Variants in RSPH6A observed in about 807,000 individuals in gnomAD.
The protein encoded by RSPH6A is radial spoke head 6 homolog A, also known as radial spoke head protein 6 homolog A.
A neutral mutation model predicts 66.1 loss-of-function variants in RSPH6A; 49 were observed. The observed-to-expected ratio is 0.74, with a 90% CI of 0.59 to 0.94. The LOEUF is 0.94. Ranked by LOEUF, RSPH6A falls within the 40% of genes least tolerant of loss-of-function variation. The probability of loss-of-function intolerance (pLI) is 0.00; values close to 1 mark genes in which losing one functional copy is unlikely to be tolerated. For synonymous variants in RSPH6A, 419 were observed against 402.4 expected, an observed-to-expected ratio of 1.04 and a Z score of -0.49; for missense variants, 977 against 948.3, an observed-to-expected ratio of 1.03 and a Z score of -0.40.
intron 2 of RSPH6A, among the ~76,000 whole-genome samples, chr19:45,809,237 G>A (rs1397092344): frequency 2.1e-5 from 3 of 144,860 alleles, no homozygotes; most frequent in East Asian, 2.1e-4. Context: ...TCCTGACCTC[G>A]TGATCCACCC....
In RSPH6A at chr19:45,807,471, T is replaced by C. The variant is rs1267435930; in HGVS notation, c.889-2455A>G. On this transcript the variant is annotated intron_variant, in intron 2 of 5. Coordinates refer to ENST00000221538, the MANE Select transcript of RSPH6A (RefSeq NM_030785.4). ...ATCTTGTGATCCACCCACCTTGGCC[T>C]CCCAAAGTGCTGGGATTACAAGCGT... Among the ~76,000 whole-genome samples the C allele has an allele frequency of 2.0e-5, 3 of 151,376 alleles. No homozygotes were observed. In the Admixed American group the frequency reaches 2.0e-4, roughly 10 times the overall value.
chr19:45,796,032 G>C lies in RSPH6A; in HGVS notation c.1991C>G (p.Pro664Arg). ...PESFNPALPA[P>R]IQQEYPSGPE... Reference sequence around the variant, plus strand: ...GCCACTGGGGTACTCTTGTTGAATGGGGGCTGGCAGGGCCGGGTTGAAGCT... The same window carrying C: ...GCCACTGGGGTACTCTTGTTGAATGCGGGCTGGCAGGGCCGGGTTGAAGCT... The change falls in exon 6 of 6, where the codon CCC becomes CGC. Residue 664 changes from proline to arginine, a missense_variant. By Grantham distance (103) the Pro-to-Arg change is moderately radical (BLOSUM62 -2). Transcript: ENST00000221538. The C allele has an allele frequency of 1.9e-6, 3 of 1,613,764 alleles. No homozygotes were observed. Among genetic ancestry groups the C allele is most frequent in the Non-Finnish European group, 2.5e-6 (3 of 1,179,812 alleles).
chr19:45,810,163 TTTATTTTTATTTATTTA>T (rs1316467981), intron 2 of RSPH6A, among the ~76,000 whole-genome samples: 8 of 135,648 alleles, frequency 5.9e-5, no homozygotes, highest in Non-Finnish European at 1.3e-4. Context: ...TATTTATTTA[TTTATTTTTATTTATTTA>T]TTTTTTTGAG....
Position 45,800,500 on chromosome 19 carries a change from A to C in RSPH6A, c.1862T>G (p.Val621Gly). Residue 621 changes from valine to glycine, a missense_variant, in exon 5 of 6, where the codon GTG (valine) becomes GGG (glycine). By Grantham distance (109) the Val-to-Gly change is moderately radical (BLOSUM62 -3). Transcript: ENST00000221538. ...CCAGAGGTTGGAGCGCACAACGGCCACTGAGTACTGCGGGCAGAGGCTGCA... is the reference window on the plus strand; with the variant it reads ...CCAGAGGTTGGAGCGCACAACGGCCCCTGAGTACTGCGGGCAGAGGCTGCA... Reference protein sequence around the residue: ...LSCSLCPQYSVAVVRSNLWPG... With the variant: ...LSCSLCPQYSGAVVRSNLWPG... The C allele has an allele frequency of 1.2e-6, 2 of 1,613,620 alleles. No individual in the cohort carries two copies.
chr19:45,805,017 C>T lies in RSPH6A; in HGVS notation c.889-1G>A, dbSNP rs145586087. The T allele has an allele frequency of 1.4e-4, 230 of 1,606,040 alleles. No individual in the cohort carries two copies. The highest frequency in any genetic ancestry group is 1.9e-4 in the Non-Finnish European group (225 of 1,178,352). ...TGATGTTGGGCACTGGTGTCTCCCC[C>T]TGCGCAGGGTAGGGTGGAGGGCAGA... On this transcript the variant is annotated splice_acceptor_variant, in intron 2 of 5. Coordinates refer to ENST00000221538, the MANE Select transcript of RSPH6A (RefSeq NM_030785.4). LOFTEE classifies it high-confidence loss of function.
rs770757580 is a variant in RSPH6A at position 45,804,708 on chromosome 19, G to A, written c.1197C>T (p.Ala399=). 43 of 1,612,472 alleles carry A rather than the reference G, an allele frequency of 2.7e-5. No homozygotes were observed. The highest frequency in any genetic ancestry group is 5.0e-5 in the Admixed American group (3 of 59,904). Residue 399 remains alanine (A), a synonymous_variant, in exon 3 of 6, where the codon GCC becomes GCT. Coordinates refer to ENST00000221538, the MANE Select transcript of RSPH6A (RefSeq NM_030785.4). This position sits in a 1 kb window ranked among gnomAD's most constrained non-coding sequence, Gnocchi z 5.8. ...EEEGEEDEEK[A]VDIVPKSVWK... ...ATACGGACTTAGGGACGATGTCCACGGCCTTCTCCTCGTCCTCCTCGCCCT... is the reference window on the plus strand; with the variant it reads ...ATACGGACTTAGGGACGATGTCCACAGCCTTCTCCTCGTCCTCCTCGCCCT...
chr19:45,799,767 C>T (rs1970447180), intron 5 of RSPH6A, among the ~76,000 whole-genome samples: 1 of 152,108 alleles, frequency 6.6e-6, no homozygotes, highest in South Asian at 2.1e-4. Flanking sequence ...GAAGAACAGG[C>T]CGGGTGCGGT....
At chr19:45,803,326 G>A (rs1183956190) in intron 3 of RSPH6A, among the ~76,000 whole-genome samples, 2 of 151,914 alleles carry the variant, frequency 1.3e-5, no homozygotes, top group Non-Finnish European at 2.9e-5. Context: ...GTAGCAGTGA[G>A]TTATGATCTC....
chr19:45,804,825 C>G lies in RSPH6A; in HGVS notation c.1080G>C (p.Val360=), dbSNP rs766469916. The G allele has an allele frequency of 6.2e-7, 1 of 1,614,184 alleles. No individual in the cohort carries two copies. The highest frequency in any genetic ancestry group is 1.7e-5 in the Admixed American group (1 of 60,010). Residue 360 remains valine, a synonymous_variant, in exon 3 of 6, where the codon GTG becomes GTC. Transcript: ENST00000221538. The surrounding 1 kb of genome is among the most constrained non-coding windows in gnomAD (Gnocchi z 5.8). ...CCTCCTCCTCGCCCTCCCGGAATTC[C>G]ACCTCGGCCACCAGGTAGCTGCGTT... ...GIKRSYLVAE[V]EFREGEEEAE... is the part of the protein sequence containing the mutation.
At chr19:45,802,306 GA>G (rs1382085568) in intron 3 of RSPH6A, 42 bp from the exon 4 acceptor site, 1 of 1,311,822 alleles carries the variant, frequency 7.6e-7, no homozygotes, top group African/African-American at 1.5e-5. Flanking sequence ...CCAGTGCACG[GA>G]ACCCAGCCTG....
chr19:45,803,453 G>A (rs1197805111), intron 3 of RSPH6A, among the ~76,000 whole-genome samples: 2 of 151,772 alleles, frequency 1.3e-5, no homozygotes, highest in Non-Finnish European at 2.9e-5. Flanking sequence ...GAGGCGGGCA[G>A]ATCACCTGAG....
In RSPH6A at chr19:45,804,353, C is replaced by A. The variant is rs1970510997; in HGVS notation, c.1552G>T (p.Asp518Tyr). The A allele has an allele frequency of 1.2e-6, 2 of 1,614,048 alleles. No individual in the cohort carries two copies. The highest frequency in any genetic ancestry group is 1.7e-5 in the Admixed American group (1 of 60,008). Residue 518 changes from aspartate (D) to tyrosine (Y), a missense_variant, in exon 3 of 6, where the codon GAC (aspartate) becomes TAC (tyrosine). By Grantham distance (160) the Asp-to-Tyr change is radical. Transcript: ENST00000221538. The surrounding 1 kb of genome is among the most constrained non-coding windows in gnomAD (Gnocchi z 5.8). The stretch of plus-strand genomic sequence containing the variant: ...AAGTCCGGGTTCTCCTCGTAGGAGT[C>A]GCGCCCAGCACCACCTTCCTCCTCC... ...DEEEEGGAGRDSYEENPDFEG... is the reference protein window; with the variant it reads ...DEEEEGGAGRYSYEENPDFEG...
In RSPH6A at chr19:45,815,270, CGAGA is replaced by C; in HGVS notation, c.-98_-95del. On this transcript the variant is annotated 5_prime_UTR_variant, in exon 1 of 6. Transcript: ENST00000221538. Reference sequence around the variant, plus strand: ...GTCGACACCGCCGGTTTCTGAGCACCGAGAGAGGGGGCCGTTACCCGTGGAGGGC... The same window carrying C: ...GTCGACACCGCCGGTTTCTGAGCACCGAGGGGGCCGTTACCCGTGGAGGGC... 7.4e-7 allele frequency: 1 copy of C among 1,345,718 alleles called. No individual in the cohort carries two copies. The highest frequency in any genetic ancestry group is 9.9e-7 in the Non-Finnish European group (1 of 1,013,216). The allele number at this position is 1,345,718 out of a possible 1,614,324, so 83.4% of individuals were successfully genotyped here. A position where few individuals can be genotyped will look rare whatever the true frequency, so the allele number is the denominator to read the frequency against.
rs1287657676 is a variant in RSPH6A, at chr19:45,804,714, C to T, written c.1191G>A (p.Glu397=). ...ACTTAGGGACGATGTCCACGGCCTT[C>T]TCCTCGTCCTCCTCGCCCTCCTCCT... ...HGEEEGEEDE[E]KAVDIVPKSV... Residue 397 remains glutamate, a synonymous_variant, in exon 3 of 6, where the codon GAG becomes GAA. Transcript: ENST00000221538. The surrounding 1 kb of genome is among the most constrained non-coding windows in gnomAD (Gnocchi z 5.8). 6.2e-7 allele frequency: 1 copy of T among 1,610,636 alleles called. No individual in the cohort carries two copies. Among genetic ancestry groups the T allele is most frequent in the East Asian group, 2.2e-5 (1 of 44,840 alleles).
At chr19:45,812,179 G>C (rs1316382854) in intron 1 of RSPH6A, among the ~76,000 whole-genome samples, 1 of 151,646 alleles carries the variant, frequency 6.6e-6, no homozygotes, top group African/African-American at 2.4e-5. Context: ...GCAACCTCTG[G>C]TTCCCGGGTT....
At position 45,796,077 on chromosome 19, in the gene RSPH6A, C is replaced by A; in HGVS notation, c.1946G>T (p.Gly649Val). 6.3e-7 allele frequency: 1 copy of A among 1,595,084 alleles called. No homozygotes were observed. The highest frequency in any genetic ancestry group is 8.6e-7 in the Non-Finnish European group (1 of 1,167,144). ...KKFENIYIGW[G>V]HKYSPESFNP... ...GAAGCTCTCGGGGCTGTACTTGTGA[C>A]CCCAGCCGATGTAGATGTTCTCAAA... Residue 649 changes from glycine (G) to valine (V), a missense_variant, in exon 6 of 6, where the codon GGT becomes GTT. By Grantham distance (109) the Gly-to-Val change is moderately radical. Transcript: ENST00000221538.
chr19:45,814,389 G>A, intron 1 of RSPH6A, 138 bp downstream of exon 1: 4 of 703,932 alleles, frequency 5.7e-6, no homozygotes, highest in Non-Finnish European at 8.5e-6. Context: ...TGTTGGCATT[G>A]ATTCCGACTC....
chr19:45,808,947 G>A (rs1244621217), intron 2 of RSPH6A, among the ~76,000 whole-genome samples: 3 of 150,384 alleles, frequency 2.0e-5, no homozygotes, highest in Admixed American at 6.6e-5. Context: ...GATTATAGGC[G>A]TGAGCCATCA....
chr19:45,814,258 A>G (rs908721576), intron 1 of RSPH6A, among the ~76,000 whole-genome samples: 2 of 151,974 alleles, frequency 1.3e-5, no homozygotes, highest in Non-Finnish European at 2.9e-5. Flanking sequence ...AAGCGACCCA[A>G]CTTCTCTGTG....
Sources: gnomAD v4.1 joint callset for allele counts (sites outside exome capture counted in the v4.1 genomes callset) on GRCh38, gnomAD v4.1.1 for gene constraint, Gnocchi (gnomAD v3.1) non-coding constraint, MANE v1.5 for transcripts, NCBI Gene and HGNC (gene_info 2026-07-23, HGNC 2026-07-21) for gene names.